The following ATRNL1 variants were observed in gnomAD, a reference collection of about 807,000 sequenced individuals.
The protein encoded by ATRNL1 is attractin like 1.
A neutral mutation model predicts 182.7 loss-of-function variants in ATRNL1; 95 were observed. The observed-to-expected ratio is 0.52, with a 90% CI of 0.44 to 0.62. ATRNL1 has a LOEUF of 0.62. Among genes scored for constraint, ATRNL1 ranks in the 20% least tolerant of loss-of-function variants. The pLI is 0.00. For missense variants in ATRNL1, 1,471 were observed against 1,679.5 expected (o/e 0.88, Z 2.17); for synonymous variants, 576 against 568.3 (o/e 1.01, Z -0.19).
intron 26 of ATRNL1, among the ~76,000 whole-genome samples, chr10:115,566,009 A>G (rs1421916260): frequency 6.6e-6 from 1 of 152,192 alleles, no homozygotes; most frequent in Non-Finnish European, 1.5e-5. Flanking sequence ...CTCCAATGAC[A>G]TCTATAATTG....
chr10:115,129,379 G>T lies in ATRNL1; in HGVS notation c.673G>T (p.Val225Phe). 1 of 1,613,890 alleles carries T rather than the reference G, an allele frequency of 6.2e-7. No individual in the cohort carries two copies. The highest frequency in any genetic ancestry group is 8.5e-7 in the Non-Finnish European group (1 of 1,179,826). ...CSGHGKCTTS[V>F]SVPSQVYCEC... ...TGGTCATGGGAAGTGTACAACTAGTGTCTCTGTTCCAAGTCAAGTATATTG... is the reference window on the plus strand; with the variant it reads ...TGGTCATGGGAAGTGTACAACTAGTTTCTCTGTTCCAAGTCAAGTATATTG... The change falls in exon 5 of 29, where the codon GTC (valine) becomes TTC (phenylalanine). Residue 225 changes from valine (V) to phenylalanine (F), a missense_variant. Val to Phe is a conservative substitution (Grantham distance 50, BLOSUM62 -1). Around this residue, in one of 3 missense-constraint regions of ATRNL1, gnomAD observed 1,031 missense variants for 1,156.0 expected, o/e 0.89. Transcript: ENST00000355044.
At chr10:115,898,870 A>G (rs1555113061) in intron 28 of ATRNL1, among the ~76,000 whole-genome samples, 2 of 152,230 alleles carry the variant, frequency 1.3e-5, no homozygotes, top group South Asian at 2.1e-4. Context: ...TCTCTACACT[A>G]TATGGCTGAG....
chr10:115,491,054 C>T (rs2134655402), intron 24 of ATRNL1, among the ~76,000 whole-genome samples: 1 of 152,276 alleles, frequency 6.6e-6, no homozygotes, highest in Non-Finnish European at 1.5e-5. Flanking sequence ...TGGTTATCAC[C>T]AGCGGAGCCA....
chr10:115,435,933 G>A (rs1300320476), intron 21 of ATRNL1, among the ~76,000 whole-genome samples: 2 of 152,126 alleles, frequency 1.3e-5, no homozygotes, highest in African/African-American at 4.8e-5. Context: ...CTTCAGTTAT[G>A]TTTAATGGTA....
chr10:115,548,254 G>A (rs1592833721), intron 25 of ATRNL1, among the ~76,000 whole-genome samples: 1 of 152,372 alleles, frequency 6.6e-6, no homozygotes, highest in East Asian at 1.9e-4. Context: ...CATCTGGAAT[G>A]TGCGCAGCAC....
chr10:115,207,321 C>T (rs1297995416), intron 8 of ATRNL1, among the ~76,000 whole-genome samples: 5 of 152,066 alleles, frequency 3.3e-5, no homozygotes, highest in Admixed American at 2.6e-4. Flanking sequence ...TAAAAGCATT[C>T]CTATTTCTCC....
At chr10:115,647,149 G>A (rs186555740) in intron 26 of ATRNL1, among the ~76,000 whole-genome samples, 30 of 152,040 alleles carry the variant, frequency 2.0e-4, no homozygotes, top group African/African-American at 5.3e-4. Context: ...TTATGGCTGC[G>A]TAGTATTCCA....
chr10:115,584,113 G>C (rs1431934041), intron 26 of ATRNL1, among the ~76,000 whole-genome samples: 1 of 151,366 alleles, frequency 6.6e-6, no homozygotes, highest in Non-Finnish European at 1.5e-5. Flanking sequence ...ACTCGATCAT[G>C]GTGGATAAGC....
intron 27 of ATRNL1, among the ~76,000 whole-genome samples, chr10:115,806,245 A>G (rs1409889842): frequency 6.6e-6 from 1 of 152,132 alleles, no homozygotes; most frequent in Non-Finnish European, 1.5e-5. Flanking sequence ...TTAAGGAAAG[A>G]TGTGGATTTT....
chr10:115,828,374 G>A (rs932845343), intron 27 of ATRNL1, among the ~76,000 whole-genome samples: 2 of 152,196 alleles, frequency 1.3e-5, no homozygotes, highest in African/African-American at 4.8e-5. Flanking sequence ...GCAAGGCTTG[G>A]AAGAGCAGAC....
In ATRNL1 at chr10:115,946,205, A is replaced by G. The variant is rs1426767047; in HGVS notation, c.*1426A>G. On this transcript the variant is annotated 3_prime_UTR_variant, in exon 29 of 29. Coordinates refer to ENST00000355044, the MANE Select transcript of ATRNL1 (RefSeq NM_207303.4). ...ATACAATTGATGTTTAGTACTATAT[A>G]TGTACTTTTCACATTCTTTGGATTT... is the stretch of plus-strand genomic sequence containing the variant. 5.3e-5 allele frequency: 8 copies of G among 152,184 alleles called. No homozygotes were observed. The highest frequency in any genetic ancestry group is 1.2e-4 in the Non-Finnish European group (8 of 68,032). The allele number at this position is 152,184 out of a possible 1,614,324, so 9.4% of individuals were successfully genotyped here.
intron 24 of ATRNL1, among the ~76,000 whole-genome samples, chr10:115,499,188 A>T (rs1554979324): frequency 6.6e-6 from 1 of 152,158 alleles, no homozygotes; most frequent in Non-Finnish European, 1.5e-5. Context: ...TTGTTTTCTA[A>T]CATTTATAAC....
chr10:115,550,462 G>C (rs1057255772), intron 26 of ATRNL1, among the ~76,000 whole-genome samples: 4 of 151,622 alleles, frequency 2.6e-5, no homozygotes, highest in Admixed American at 2.6e-4. Flanking sequence ...AGTGATATGG[G>C]TTCTTCTTAG....
chr10:115,803,455 T>A (rs1380788565), intron 27 of ATRNL1, among the ~76,000 whole-genome samples: 1 of 152,092 alleles, frequency 6.6e-6, no homozygotes, highest in Non-Finnish European at 1.5e-5. Flanking sequence ...ACCTTGCAGA[T>A]AAACATCACT....
chr10:115,368,639 C>T, intron 19 of ATRNL1, among the ~76,000 whole-genome samples: 1 of 152,174 alleles, frequency 6.6e-6, no homozygotes, highest in East Asian at 1.9e-4. Context: ...TGACCATCTC[C>T]TCATTTCCCA....
At chr10:115,427,079 T>C (rs1442069874) in intron 21 of ATRNL1, among the ~76,000 whole-genome samples, 3 of 152,180 alleles carry the variant, frequency 2.0e-5, no homozygotes, top group African/African-American at 7.2e-5. Flanking sequence ...GTTGTACCAT[T>C]TTACATTCCC....
Position 115,847,897 on chromosome 10 carries a change from C to T in ATRNL1, c.3924C>T (p.Ala1308=), listed in dbSNP as rs782731463. The change falls in exon 28 of 29, where the codon GCC becomes GCT. Residue 1308 remains alanine (A), a synonymous_variant. Transcript: ENST00000355044. Reference sequence around the variant, plus strand: ...TTCAGGGGGCACCCAAGCCAATTGCCATTGAACCATGTGCTGGGAACAGAG... The same window carrying T: ...TTCAGGGGGCACCCAAGCCAATTGCTATTGAACCATGTGCTGGGAACAGAG... ...GPLEGAPKPI[A]IEPCAGNRAA... is the part of the protein sequence containing the mutation. 3.4e-5 allele frequency: 54 copies of T among 1,610,952 alleles called. 1 individual carries two copies. The Admixed American group carries it at 5.3e-4, about 16-fold the overall frequency.
intron 28 of ATRNL1, among the ~76,000 whole-genome samples, chr10:115,932,990 A>C (rs1953449235): frequency 7.1e-6 from 1 of 140,458 alleles, no homozygotes; most frequent in Admixed American, 6.9e-5. Context: ...CTGAGCTTTA[A>C]AAAACAAACA....
intron 19 of ATRNL1, among the ~76,000 whole-genome samples, chr10:115,367,946 G>A (rs1297347330): frequency 7.3e-5 from 11 of 151,676 alleles, no homozygotes; most frequent in Middle Eastern, 3.4e-3. Flanking sequence ...GGACATTTAA[G>A]TCTGCAGAGG....
Sources: allele counts gnomAD v4.1 joint callset (sites outside exome capture counted in the v4.1 genomes callset), GRCh38; gene constraint gnomAD v4.1.1; regional missense constraint gnomAD v4.1.1; transcripts MANE v1.5; gene names NCBI Gene and HGNC (gene_info 2026-07-23, HGNC 2026-07-21).